The following NUP210L variants were observed in gnomAD, a reference collection of about 807,000 sequenced individuals.
NUP210L encodes the protein nuclear pore membrane glycoprotein 210-like.
Under a neutral mutation model 208.5 loss-of-function variants are expected in NUP210L, and 74 were observed. The observed-to-expected ratio is 0.35, with a 90% CI of 0.29 to 0.43. The LOEUF is 0.43. NUP210L is among the 20% of genes least tolerant of loss of function. The pLI is 1.00. For missense variants in NUP210L, 1,843 were observed against 2,289.4 expected (o/e 0.81, Z 3.98); for synonymous variants, 780 against 816.9 (o/e 0.95, Z 0.77).
At chr1:154,128,983 T>C (rs1658117892) in intron 8 of NUP210L, among the ~76,000 whole-genome samples, 2 of 152,246 alleles carry the variant, frequency 1.3e-5, no homozygotes, top group Admixed American at 6.5e-5. Context: ...GATTCATTGT[T>C]TTCATATGGC....
At chr1:154,065,892 CAAAAAAAAAAAAAAA>C (rs58053478) in intron 17 of NUP210L, among the ~76,000 whole-genome samples, 2 of 61,120 alleles carry the variant, frequency 3.3e-5, no homozygotes, top group Non-Finnish European at 5.9e-5. Flanking sequence ...GACTCTGTCT[CAAAAAAAAAAAAAAA>C]AAAAAAAAAA....
intron 5 of NUP210L, 129 bp from the exon 6 acceptor site, chr1:154,138,367 C>A: frequency 1.4e-6 from 1 of 710,206 alleles, no homozygotes; most frequent in Non-Finnish European, 2.1e-6. Flanking sequence ...TTTTTAAAAG[C>A]TTTCCTAATC....
intron 13 of NUP210L, among the ~76,000 whole-genome samples, chr1:154,102,949 A>G (rs1016683874): frequency 6.6e-6 from 1 of 152,170 alleles, no homozygotes; most frequent in Admixed American, 6.6e-5. Context: ...TTGACCTTGC[A>G]CTTGTAATCC....
At chr1:154,142,379 GT>G (rs1214940988) in intron 3 of NUP210L, among the ~76,000 whole-genome samples, 1 of 151,826 alleles carries the variant, frequency 6.6e-6, no homozygotes, top group African/African-American at 2.4e-5. Flanking sequence ...CTACCTAAGT[GT>G]TTTTTAATAC....
chr1:154,008,375 C>A (rs1050079396), intron 35 of NUP210L, among the ~76,000 whole-genome samples: 2 of 151,722 alleles, frequency 1.3e-5, no homozygotes, highest in African/African-American at 4.8e-5. Context: ...ATAGGGAGAC[C>A]CTGTCCCTAC....
chr1:153,999,734 C>CAAAA (rs1172554188), intron 37 of NUP210L, among the ~76,000 whole-genome samples: 6 of 54,594 alleles, frequency 1.1e-4, no homozygotes, highest in Admixed American at 4.9e-4. Context: ...AAGACTCTCT[C>CAAAA]AAAAAAAAAA....
exon 27 of NUP210L, chr1:154,046,172 C>G (rs1489790737): frequency 6.2e-7 from 1 of 1,614,058 alleles, no homozygotes; most frequent in Admixed American, 1.7e-5. Context: ...GGTCTGGGTA[C>G]TGGTTACTCC....
chr1:154,103,967 A>G (rs767054268), intron 13 of NUP210L, 45 bp downstream of exon 13: 2 of 1,465,150 alleles, frequency 1.4e-6, no homozygotes, highest in Non-Finnish European at 1.9e-6. Context: ...TTAAAGATAA[A>G]TAAATAAAGA....
intron 17 of NUP210L, among the ~76,000 whole-genome samples, chr1:154,069,205 T>A (rs1184133837): frequency 1.3e-5 from 2 of 152,094 alleles, no homozygotes; most frequent in Non-Finnish European, 2.9e-5. Context: ...TGGGATCTAA[T>A]TAAACTAAAG....
chr1:154,035,567 T>C (rs554360716), intron 27 of NUP210L, among the ~76,000 whole-genome samples: 47 of 151,648 alleles, frequency 3.1e-4, no homozygotes, highest in Non-Finnish European at 5.4e-4. Context: ...CCAGCTAATT[T>C]TTTGTATTTT....
chr1:154,022,012 G>T, intron 32 of NUP210L, 114 bp downstream of exon 32: 1 of 950,926 alleles, frequency 1.1e-6, no homozygotes, highest in Non-Finnish European at 1.6e-6. Context: ...TGAGATTATG[G>T]GTATAAACCA....
At chr1:154,026,057 T>C (rs1292476176) in intron 29 of NUP210L, among the ~76,000 whole-genome samples, 1 of 150,880 alleles carries the variant, frequency 6.6e-6, no homozygotes, top group East Asian at 2.0e-4. Context: ...ACCCCGTCTT[T>C]ACTAAAAATA....
chr1:154,119,019 G>A (rs1003943851), intron 10 of NUP210L, among the ~76,000 whole-genome samples: 4 of 151,834 alleles, frequency 2.6e-5, no homozygotes, highest in African/African-American at 9.7e-5. Flanking sequence ...TAATGAAAAG[G>A]GTTTTGCTAG....
chr1:154,013,024 A>AAAC (rs57802581), intron 33 of NUP210L, among the ~76,000 whole-genome samples: 3 of 148,558 alleles, frequency 2.0e-5, no homozygotes, highest in South Asian at 2.1e-4. Context: ...AAAAAAAAAA[A>AAAC]CAAAGACGGG....
chr1:154,055,226 TTTC>T (rs1307580591), intron 23 of NUP210L, among the ~76,000 whole-genome samples: 1 of 150,994 alleles, frequency 6.6e-6, no homozygotes, highest in Non-Finnish European at 1.5e-5. Flanking sequence ...TCTCTCTTTC[TTTC>T]TTTCTTTCTT....
chr1:154,002,188 C>T (rs1447303982), intron 35 of NUP210L, among the ~76,000 whole-genome samples: 1 of 152,058 alleles, frequency 6.6e-6, no homozygotes, highest in Non-Finnish European at 1.5e-5. Context: ...CTAGAGAAAC[C>T]ACAACTAAAC....
At chr1:154,152,375 T>C (rs1050677871) in intron 2 of NUP210L, among the ~76,000 whole-genome samples, 2 of 151,866 alleles carry the variant, frequency 1.3e-5, no homozygotes, top group South Asian at 2.1e-4. Flanking sequence ...GGTTTTACCA[T>C]GTTGGCCAGG....
At chr1:153,997,237 T>G (rs1485455286) in intron 37 of NUP210L, among the ~76,000 whole-genome samples, 1 of 151,682 alleles carries the variant, frequency 6.6e-6, no homozygotes, top group Non-Finnish European at 1.5e-5. Context: ...GTGGTGGGAT[T>G]ACAGGCATGA....
intron 17 of NUP210L, among the ~76,000 whole-genome samples, chr1:154,063,637 A>G (rs1654249913): frequency 6.6e-6 from 1 of 152,210 alleles, no homozygotes; most frequent in African/African-American, 2.4e-5. Context: ...AGCCAATTAT[A>G]GTAAGAACTA....
Sources: gnomAD v4.1 joint callset for allele counts (sites outside exome capture counted in the v4.1 genomes callset) on GRCh38, gnomAD v4.1.1 for gene constraint, MANE v1.5 for transcripts, NCBI Gene and HGNC (gene_info 2026-07-23, HGNC 2026-07-21) for gene names.